Variants in PDE10A observed in about 807,000 individuals in gnomAD.
PDE10A encodes the protein phosphodiesterase 10A.
Under a neutral mutation model 97.7 loss-of-function variants are expected in PDE10A, and 39 were observed. The observed-to-expected ratio is 0.40, with a 90% CI of 0.31 to 0.52. PDE10A has a LOEUF of 0.52. Among genes scored for constraint, PDE10A ranks in the 20% least tolerant of loss-of-function variants. The pLI is 0.56. For missense variants in PDE10A, 731 were observed against 1,047.8 expected (o/e 0.70, Z 4.17); for synonymous variants, 371 against 376.8 (o/e 0.98, Z 0.18).
intron 1 of PDE10A, among the ~76,000 whole-genome samples, chr6:165,854,684 G>A (rs1036284164): frequency 1.3e-5 from 2 of 152,198 alleles, no homozygotes; most frequent in Non-Finnish European, 2.9e-5. Flanking sequence ...TCTGAGGAGC[G>A]TAGGCCAAGC....
At chr6:165,453,937 T>C (rs1440661184) in intron 3 of PDE10A, among the ~76,000 whole-genome samples, 1 of 140,954 alleles carries the variant, frequency 7.1e-6, no homozygotes, top group Non-Finnish European at 1.5e-5. Flanking sequence ...AGAGCTGAAG[T>C]GTGGGCTGGC....
chr6:165,837,920 C>T (rs1012888886), intron 1 of PDE10A, among the ~76,000 whole-genome samples: 1 of 152,038 alleles, frequency 6.6e-6, no homozygotes, highest in Non-Finnish European at 1.5e-5. Flanking sequence ...CTCCTGACCT[C>T]GTGATCCGCC....
Position 165,723,395 on chromosome 6 carries a change from C to T in PDE10A, c.-614-179827G>A, listed in dbSNP as rs535531953. On this transcript the variant is annotated intron_variant, in intron 1 of 19. Transcript: ENST00000366882. ...TTTGCCATAAATATAGAAAGATCTCCGAGTCCTTTATATTTACAACGTGAC... is the reference window on the plus strand; with the variant it reads ...TTTGCCATAAATATAGAAAGATCTCTGAGTCCTTTATATTTACAACGTGAC... 2.4e-4 allele frequency among the ~76,000 whole-genome samples: 36 copies of T among 152,244 alleles called. No homozygotes were observed. The South Asian group carries it at 2.5e-3, about 11-fold the overall frequency.
intron 11 of PDE10A, 128 bp from the exon 12 acceptor site, chr6:165,416,409 C>T (rs931273722): frequency 2.8e-5 from 19 of 669,830 alleles, no homozygotes; most frequent in East Asian, 1.4e-4. Flanking sequence ...ATTACTTTTA[C>T]GTTTACATAT....
intron 1 of PDE10A, among the ~76,000 whole-genome samples, chr6:165,585,898 C>A (rs927929133): frequency 6.6e-6 from 1 of 152,152 alleles, no homozygotes; most frequent in East Asian, 1.9e-4. Context: ...AACATCCCCC[C>A]CTTGCGCTAA....
chr6:165,608,070 ATATG>A (rs1320331726), intron 1 of PDE10A, among the ~76,000 whole-genome samples: 1 of 143,468 alleles, frequency 7.0e-6, no homozygotes, highest in Non-Finnish European at 1.5e-5. Context: ...ATGTATATAT[ATATG>A]TATATATGTA....
intron 3 of PDE10A, among the ~76,000 whole-genome samples, chr6:165,454,175 G>T (rs909273318): frequency 1.5e-4 from 23 of 152,148 alleles, no homozygotes; most frequent in African/African-American, 5.3e-4. Flanking sequence ...TTCTACCACT[G>T]AATTTTGGAA....
chr6:165,663,818 A>T (rs1583747988), upstream of PDE10A, among the ~76,000 whole-genome samples: 1 of 152,124 alleles, frequency 6.6e-6, no homozygotes, highest in Non-Finnish European at 1.5e-5. Context: ...AAACCCTGAG[A>T]CCGCCTTGCC....
chr6:165,628,063 C>T (rs908321730), intron 1 of PDE10A, among the ~76,000 whole-genome samples: 2 of 152,156 alleles, frequency 1.3e-5, no homozygotes, highest in Non-Finnish European at 2.9e-5. Context: ...ATTATAGTAA[C>T]CTTAAATGAT....
intron 1 of PDE10A, among the ~76,000 whole-genome samples, chr6:165,869,822 G>A (rs1781151522): frequency 6.6e-6 from 1 of 151,890 alleles, no homozygotes; most frequent in African/African-American, 2.4e-5. Context: ...TTTTGACAAA[G>A]GCACCAAGAA....
intron 1 of PDE10A, among the ~76,000 whole-genome samples, chr6:165,900,105 A>G (rs1466666155): frequency 4.6e-5 from 7 of 152,124 alleles, no homozygotes; most frequent in Non-Finnish European, 7.4e-5. Context: ...TGGGGGCTGA[A>G]AGAGAGGGGC....
chr6:165,804,536 G>T (rs548882290), intron 1 of PDE10A, among the ~76,000 whole-genome samples: 3 of 152,138 alleles, frequency 2.0e-5, no homozygotes, highest in African/African-American at 7.2e-5. Flanking sequence ...CCACAGAAAC[G>T]AGGCCAGGAA....
At chr6:165,763,029 CT>C (rs1793289387) in intron 1 of PDE10A, among the ~76,000 whole-genome samples, 1 of 152,220 alleles carries the variant, frequency 6.6e-6, no homozygotes, top group South Asian at 2.1e-4. Flanking sequence ...TGGCCACAGA[CT>C]AATACATGTC....
chr6:165,583,243 G>A (rs868821681), intron 1 of PDE10A, among the ~76,000 whole-genome samples: 1 of 152,204 alleles, frequency 6.6e-6, no homozygotes, highest in Non-Finnish European at 1.5e-5. Context: ...TAGCAAATGT[G>A]TACCTGAGCT....
At chr6:165,650,969 C>T (rs1170901991) in intron 1 of PDE10A, among the ~76,000 whole-genome samples, 1 of 152,130 alleles carries the variant, frequency 6.6e-6, no homozygotes, top group Admixed American at 6.5e-5. Context: ...AGCTCTTGAC[C>T]TCGTGATCCA....
chr6:165,947,150 T>A (rs1562812241), intron 1 of PDE10A: 1 of 152,226 alleles, frequency 6.6e-6, no homozygotes, highest in Non-Finnish European at 1.5e-5. Context: ...CATTTCATCT[T>A]CTGGGCGTGT....
At chr6:165,659,510 G>A (rs1355325801) in intron 1 of PDE10A, among the ~76,000 whole-genome samples, 1 of 152,160 alleles carries the variant, frequency 6.6e-6, no homozygotes, top group Non-Finnish European at 1.5e-5. Context: ...AGCAGAAATT[G>A]GCTACTCTCT....
At chr6:165,501,843 T>A (rs916305765) in intron 2 of PDE10A, among the ~76,000 whole-genome samples, 1 of 152,194 alleles carries the variant, frequency 6.6e-6, no homozygotes, top group African/African-American at 2.4e-5. Context: ...AGATGAGCAA[T>A]GTCAGTTTTT....
chr6:165,460,597 T>C (rs1163124436), intron 3 of PDE10A, among the ~76,000 whole-genome samples: 1 of 152,204 alleles, frequency 6.6e-6, no homozygotes, highest in East Asian at 1.9e-4. Flanking sequence ...GGCCGTCCGA[T>C]TGGCCAATTC....
Sources: allele counts gnomAD v4.1 joint callset (sites outside exome capture counted in the v4.1 genomes callset), GRCh38; gene constraint gnomAD v4.1.1; transcripts MANE v1.5; gene names NCBI Gene and HGNC (gene_info 2026-07-23, HGNC 2026-07-21).